RCAN2: variants seen among roughly 807,000 people sequenced by gnomAD.
The protein encoded by RCAN2 is calcipressin-2.
In RCAN2, 9 loss-of-function variants were observed where a neutral mutation model predicts 23.6. The ratio of observed to expected loss-of-function variants is 0.38; its 90% CI spans 0.23 to 0.67. The LOEUF is 0.67. RCAN2 is among the 30% of genes least tolerant of loss of function. RCAN2 has a pLI of 0.51. For synonymous variants in RCAN2, 109 were observed against 115.7 expected, an observed-to-expected ratio of 0.94 and a Z score of 0.37; for missense variants, 273 against 302.3, an observed-to-expected ratio of 0.90 and a Z score of 0.72.
chr6:46,234,128 A>C (rs1395309754), intron 4 of RCAN2, among the ~76,000 whole-genome samples: 1 of 152,186 alleles, frequency 6.6e-6, no homozygotes, highest in Non-Finnish European at 1.5e-5. Context: ...GAGGGCAAGC[A>C]GGGAGTCCAC....
intron 2 of RCAN2, among the ~76,000 whole-genome samples, chr6:46,427,652 T>C (rs887924584): frequency 6.6e-6 from 1 of 152,228 alleles, no homozygotes; most frequent in South Asian, 2.1e-4. Flanking sequence ...CTTTCTGACA[T>C]CCTGCTCTCT....
At chr6:46,395,380 G>A (rs1331250681) in intron 2 of RCAN2, among the ~76,000 whole-genome samples, 1 of 152,172 alleles carries the variant, frequency 6.6e-6, no homozygotes, top group Non-Finnish European at 1.5e-5. Flanking sequence ...GGAGTCCTAA[G>A]AACCAAATGA....
chr6:46,451,674 G>A (rs911109534), intron 2 of RCAN2, among the ~76,000 whole-genome samples: 5 of 152,158 alleles, frequency 3.3e-5, no homozygotes, highest in African/African-American at 1.2e-4. Context: ...TCAGCGTTTA[G>A]TCAGCTGAAC....
At chr6:46,280,029 A>G (rs1767851292) in intron 2 of RCAN2, among the ~76,000 whole-genome samples, 1 of 152,190 alleles carries the variant, frequency 6.6e-6, no homozygotes, top group Non-Finnish European at 1.5e-5. Flanking sequence ...AGTCTTGGTC[A>G]AGATCACAGA....
intron 2 of RCAN2, among the ~76,000 whole-genome samples, chr6:46,336,160 G>C (rs141191631): frequency 1.9e-3 from 288 of 152,340 alleles, no homozygotes; most frequent in Non-Finnish European, 3.4e-3. Context: ...AGCAGCAAAA[G>C]TAGGAGGGAA....
chr6:46,377,599 G>A (rs1278111783), intron 2 of RCAN2, among the ~76,000 whole-genome samples: 1 of 152,190 alleles, frequency 6.6e-6, no homozygotes, highest in Non-Finnish European at 1.5e-5. Flanking sequence ...TGCCTGTTGA[G>A]GTCACTCCCA....
chr6:46,408,250 A>G (rs567070412), intron 2 of RCAN2, among the ~76,000 whole-genome samples: 2 of 152,202 alleles, frequency 1.3e-5, no homozygotes, highest in South Asian at 4.1e-4. Context: ...TTGCTCAGGT[A>G]CCTGTTTACA....
intron 2 of RCAN2, among the ~76,000 whole-genome samples, chr6:46,397,440 A>G (rs1766126354): frequency 6.6e-6 from 1 of 151,882 alleles, no homozygotes; most frequent in African/African-American, 2.4e-5. Context: ...GAATCTGAGT[A>G]AGGTCTGAAG....
At chr6:46,359,811 A>C (rs1184649671) in intron 2 of RCAN2, among the ~76,000 whole-genome samples, 1 of 152,172 alleles carries the variant, frequency 6.6e-6, no homozygotes, top group Non-Finnish European at 1.5e-5. Flanking sequence ...TATCTCGTTT[A>C]ATTTTCACCA....
intron 2 of RCAN2, among the ~76,000 whole-genome samples, chr6:46,393,178 C>A (rs1272789891): frequency 6.6e-6 from 1 of 152,164 alleles, no homozygotes; most frequent in African/African-American, 2.4e-5. Context: ...CCTTTAAGGG[C>A]TCCCTAATAT....
At chr6:46,387,404 A>C (rs971653646) in intron 2 of RCAN2, among the ~76,000 whole-genome samples, 4 of 152,354 alleles carry the variant, frequency 2.6e-5, no homozygotes, top group African/African-American at 9.6e-5. Flanking sequence ...ACAAATGTAC[A>C]AGAAAAAAAC....
At chr6:46,318,657 G>A (rs1182572486) in intron 2 of RCAN2, among the ~76,000 whole-genome samples, 1 of 152,058 alleles carries the variant, frequency 6.6e-6, no homozygotes, top group East Asian at 1.9e-4. Flanking sequence ...CTAGTTAGAT[G>A]TGCCATTGTA....
At chr6:46,230,790 T>C (rs1765855967) in intron 4 of RCAN2, among the ~76,000 whole-genome samples, 1 of 152,200 alleles carries the variant, frequency 6.6e-6, no homozygotes, top group African/African-American at 2.4e-5. Context: ...CCCAGTGAGA[T>C]GAACCTGGTA....
chr6:46,291,359 A>AGG (rs1195049116), intron 2 of RCAN2, among the ~76,000 whole-genome samples: 1 of 150,666 alleles, frequency 6.6e-6, no homozygotes, highest in Non-Finnish European at 1.5e-5. Context: ...AAAGACAGGT[A>AGG]GGGGGAAGTG....
chr6:46,247,472 T>C (rs1766560780), intron 3 of RCAN2, among the ~76,000 whole-genome samples: 1 of 152,340 alleles, frequency 6.6e-6, no homozygotes, highest in African/African-American at 2.4e-5. Context: ...CTCTGCCTAT[T>C]GCTACCAGTA....
At chr6:46,462,166 A>C (rs906774846) in intron 1 of RCAN2, among the ~76,000 whole-genome samples, 2 of 152,180 alleles carry the variant, frequency 1.3e-5, no homozygotes, top group Non-Finnish European at 2.9e-5. Flanking sequence ...TACAATGAGA[A>C]ACAAGCAGCA....
chr6:46,325,656 C>A, intron 2 of RCAN2: 1 of 1,407,744 alleles, frequency 7.1e-7, no homozygotes, highest in East Asian at 2.6e-5. Flanking sequence ...GCGTCTGAGG[C>A]AGCACAGCAG....
At chr6:46,474,236 G>A (rs540377216) in intron 1 of RCAN2, among the ~76,000 whole-genome samples, 3 of 152,048 alleles carry the variant, frequency 2.0e-5, no homozygotes, top group Non-Finnish European at 2.9e-5. Flanking sequence ...GGGGGTTGGA[G>A]AGAACATTCC....
intron 1 of RCAN2, among the ~76,000 whole-genome samples, chr6:46,467,815 G>A (rs915843599): frequency 6.6e-5 from 10 of 152,026 alleles, no homozygotes; most frequent in Admixed American, 3.3e-4. Context: ...TATGTTTTTC[G>A]GCTCTTCGGA....
Sources: gnomAD v4.1 joint callset for allele counts (sites outside exome capture counted in the v4.1 genomes callset) on GRCh38, gnomAD v4.1.1 for gene constraint, MANE v1.5 for transcripts, NCBI Gene and HGNC (gene_info 2026-07-23, HGNC 2026-07-21) for gene names.